Variants in SLC7A14 observed in about 807,000 individuals in gnomAD.
SLC7A14 encodes solute carrier family 7 member 14, also known as gamma-aminobutyric acid transporter SLC7A14.
SLC7A14 carries 37 observed loss-of-function variants against 60.2 expected under a neutral mutation model. The ratio of observed to expected loss-of-function variants is 0.61; its 90% confidence interval spans 0.47 to 0.81. The LOEUF is 0.81. Among genes scored for constraint, SLC7A14 ranks in the 30% least tolerant of loss-of-function variants. The pLI is 0.00. For synonymous variants in SLC7A14, 399 were observed against 395.8 expected (o/e 1.01, Z -0.10); for missense variants, 886 against 982.7 (o/e 0.90, Z 1.32).
At chr3:170,542,750 TTTTTC>T (rs1714059520) in intron 1 of SLC7A14, among the ~76,000 whole-genome samples, 1 of 152,184 alleles carries the variant, frequency 6.6e-6, no homozygotes, top group Non-Finnish European at 1.5e-5. Flanking sequence ...CTATTCTGAT[TTTTTC>T]TTCTTTAGTA....
At chr3:170,536,638 G>A (rs1713850499) in intron 1 of SLC7A14, among the ~76,000 whole-genome samples, 1 of 152,302 alleles carries the variant, frequency 6.6e-6, no homozygotes, top group East Asian at 1.9e-4. Context: ...GAGACCGGAG[G>A]TTTTGTCCCA....
chr3:170,473,074 C>A (rs541219824), intron 7 of SLC7A14, among the ~76,000 whole-genome samples: 78 of 152,314 alleles, frequency 5.1e-4, no homozygotes, highest in African/African-American at 1.5e-3. Context: ...TTAACTCTAA[C>A]CTGAGGGCTG....
Position 170,535,221 on chromosome 3 carries a change from A to G in SLC7A14, c.-152-8133T>C, listed in dbSNP as rs1447930446. The stretch of plus-strand genomic sequence containing the variant: ...GGGTCTCAGGTCTCTGCTTGGTGTC[A>G]TGTGTTATTCATTGTATATAAGATA... On this transcript the variant is annotated intron_variant, in intron 1 of 7. Coordinates refer to ENST00000231706, the MANE Select transcript of SLC7A14 (RefSeq NM_020949.3). The surrounding 1 kb of genome is among the most constrained non-coding windows in gnomAD (Gnocchi z 4.3). 6.6e-6 allele frequency among the ~76,000 whole-genome samples: 1 copy of G among 151,844 alleles called. No homozygotes were observed. Among genetic ancestry groups the G allele is most frequent in the Non-Finnish European group, 1.5e-5 (1 of 67,998 alleles).
rs1324668915 is a variant in SLC7A14, at chr3:170,460,180, T to C, written c.*6875A>G. Reference sequence around the variant, plus strand: ...CAGAGAACAACACTAGGAATTACCATCTGTAAATGCAAGTTGTACTTCTCA... The same window carrying C: ...CAGAGAACAACACTAGGAATTACCACCTGTAAATGCAAGTTGTACTTCTCA... On this transcript the variant is annotated 3_prime_UTR_variant, in exon 8 of 8. Transcript: ENST00000231706. 6.6e-6 allele frequency: 1 copy of C among 152,144 alleles called. No homozygotes were observed. Among genetic ancestry groups the C allele is most frequent in the Non-Finnish European group, 1.5e-5 (1 of 68,022 alleles). The allele number at this position is 152,144 out of a possible 1,614,324, so 9.4% of individuals were successfully genotyped here.
chr3:170,576,210 G>T (rs891764556), intron 1 of SLC7A14, among the ~76,000 whole-genome samples: 1 of 152,150 alleles, frequency 6.6e-6, no homozygotes, highest in Non-Finnish European at 1.5e-5. Flanking sequence ...TAATTAGTGG[G>T]GATTACATCT....
intron 2 of SLC7A14, among the ~76,000 whole-genome samples, chr3:170,510,398 A>AT (rs1712937055): frequency 7.2e-6 from 1 of 139,648 alleles, no homozygotes; most frequent in South Asian, 2.2e-4. Context: ...AAAAAAAAAA[A>AT]AATAAATAAA....
chr3:170,497,107 A>AG (rs57098381), intron 4 of SLC7A14, among the ~76,000 whole-genome samples: 1,448 of 142,538 alleles, frequency 0.01, 20 homozygotes, highest in African/African-American at 0.039. Flanking sequence ...AAAAAAAAAA[A>AG]AAAGAAAGAA....
chr3:170,466,466 T>C lies in SLC7A14; in HGVS notation c.*589A>G, dbSNP rs1739725175. ...GAATCTGAAACCATTGGGAAAATGGTCCAGAGTCCCTGAACTTTGCTGGAT... is the reference window on the plus strand; with the variant it reads ...GAATCTGAAACCATTGGGAAAATGGCCCAGAGTCCCTGAACTTTGCTGGAT... On this transcript the variant is annotated 3_prime_UTR_variant, in exon 8 of 8. Coordinates refer to ENST00000231706, the MANE Select transcript of SLC7A14 (RefSeq NM_020949.3). The C allele has an allele frequency of 6.6e-6, 1 of 152,342 alleles. No individual in the cohort carries two copies. The highest frequency in any genetic ancestry group is 1.5e-5 in the Non-Finnish European group (1 of 68,148). 9.4% of individuals were successfully genotyped at this position (152,342 alleles called of 1,614,324 possible). A position where few individuals can be genotyped will look rare whatever the true frequency, so the allele number is the denominator to read the frequency against.
At chr3:170,495,809 G>A (rs1712372683) in intron 4 of SLC7A14, 2 of 1,128,642 alleles carry the variant, frequency 1.8e-6, no homozygotes, top group Admixed American at 3.4e-5. Flanking sequence ...AGACCAAGTG[G>A]AGCCTCCTGC....
chr3:170,483,167 C>A, intron 6 of SLC7A14, 147 bp downstream of exon 6: 2 of 921,458 alleles, frequency 2.2e-6, no homozygotes, highest in Non-Finnish European at 3.3e-6. Flanking sequence ...CTCTGTTACT[C>A]AGACTTTTCT....
At chr3:170,550,013 C>A (rs62293559) in intron 1 of SLC7A14, among the ~76,000 whole-genome samples, 9 of 152,166 alleles carry the variant, frequency 5.9e-5, no homozygotes, top group Non-Finnish European at 1.2e-4. Context: ...AAGAGGAAGA[C>A]CCTGAGCTAT....
rs1387929883 is a variant in SLC7A14 at position 170,462,991 on chromosome 3, T to C, written c.*4064A>G. 2 of 152,328 alleles carry C rather than the reference T, an allele frequency of 1.3e-5. No homozygotes were observed. Among genetic ancestry groups the C allele is most frequent in the East Asian group, 3.9e-4 (2 of 5,192 alleles). The allele number at this position is 152,328 out of a possible 1,614,324, so 9.4% of individuals were successfully genotyped here. On this transcript the variant is annotated 3_prime_UTR_variant, in exon 8 of 8. Transcript: ENST00000231706. ...AATCAATTTGGAGTGTATATGTGGC[T>C]TGTTAGTTCCTTGCATAGGTAAGGA...
Position 170,585,418 on chromosome 3 carries a change from C to T in SLC7A14, c.-153+493G>A, listed in dbSNP as rs1004924125. On this transcript the variant is annotated intron_variant, in intron 1 of 7. Transcript: ENST00000231706. This position sits in a 1 kb window ranked among gnomAD's most constrained non-coding sequence, Gnocchi z 5.1. ...AGGGCAGACGTTGCTCCCGACCTCC[C>T]CGGAGTCTGCGGCCGGAAAAGCGTC... is the stretch of plus-strand genomic sequence containing the variant. 1.3e-5 allele frequency among the ~76,000 whole-genome samples: 2 copies of T among 152,206 alleles called. No homozygotes were observed. The highest frequency in any genetic ancestry group is 1.3e-4 in the Admixed American group (2 of 15,290).
At position 170,548,719 on chromosome 3, in the gene SLC7A14, A is replaced by G. The variant is rs1032413681; in HGVS notation, c.-152-21631T>C. Among the ~76,000 whole-genome samples the G allele has an allele frequency of 3.3e-5, 5 of 152,314 alleles. No individual in the cohort carries two copies. In the East Asian group the frequency reaches 7.7e-4, roughly 23 times the overall value. Reference sequence around the variant, plus strand: ...GTATTTTAAAGAAAACCGTTAGACCATATTTTTGCAATTCCTGGTTAGGCT... The same window carrying G: ...GTATTTTAAAGAAAACCGTTAGACCGTATTTTTGCAATTCCTGGTTAGGCT... On this transcript the variant is annotated intron_variant, in intron 1 of 7. Coordinates refer to ENST00000231706, the MANE Select transcript of SLC7A14 (RefSeq NM_020949.3).
chr3:170,538,853 GT>G (rs1713928263), intron 1 of SLC7A14, among the ~76,000 whole-genome samples: 2 of 152,180 alleles, frequency 1.3e-5, no homozygotes, highest in African/African-American at 4.8e-5. Context: ...TCCTCTTCCT[GT>G]TTTCCTCACC....
chr3:170,491,553 G>A (rs1162851231), intron 4 of SLC7A14, among the ~76,000 whole-genome samples: 2 of 151,992 alleles, frequency 1.3e-5, no homozygotes, highest in Non-Finnish European at 2.9e-5. Context: ...AGGTGTCTAG[G>A]GATGCTGAGG....
intron 2 of SLC7A14, among the ~76,000 whole-genome samples, chr3:170,510,404 ATAAATAAAT>A (rs1712940432): frequency 7.2e-6 from 1 of 139,512 alleles, no homozygotes; most frequent in African/African-American, 2.7e-5. Flanking sequence ...AAAAAAATAA[ATAAATAAAT>A]AAATAAATAA....
In SLC7A14 at chr3:170,466,770, G is replaced by T; in HGVS notation, c.*285C>A. On this transcript the variant is annotated 3_prime_UTR_variant, in exon 8 of 8. Coordinates refer to ENST00000231706, the MANE Select transcript of SLC7A14 (RefSeq NM_020949.3). ...CAAAGCAAAGGCCTAGGAAACATTTGGTACCATCAGCTCTGGTGGTTGCAC... is the reference window on the plus strand; with the variant it reads ...CAAAGCAAAGGCCTAGGAAACATTTTGTACCATCAGCTCTGGTGGTTGCAC... 3.3e-6 allele frequency: 1 copy of T among 303,104 alleles called. No homozygotes were observed. The highest frequency in any genetic ancestry group is 7.0e-5 in the East Asian group (1 of 14,342). The allele number at this position is 303,104 out of a possible 1,614,324, so 18.8% of individuals were successfully genotyped here.
At chr3:170,562,773 T>C (rs1714689434) in intron 1 of SLC7A14, among the ~76,000 whole-genome samples, 1 of 152,164 alleles carries the variant, frequency 6.6e-6, no homozygotes, top group Admixed American at 6.5e-5. Flanking sequence ...TTTCTTTTTT[T>C]TGAGACAGAG....
Sources: gnomAD v4.1 joint callset for allele counts (sites outside exome capture counted in the v4.1 genomes callset) on GRCh38, gnomAD v4.1.1 for gene constraint, Gnocchi (gnomAD v3.1) non-coding constraint, MANE v1.5 for transcripts, NCBI Gene and HGNC (gene_info 2026-07-23, HGNC 2026-07-21) for gene names.